Variants in SPINK1 observed in about 807,000 individuals in gnomAD.
The protein encoded by SPINK1 is serine peptidase inhibitor Kazal type 1.
Under a neutral mutation model 9.5 loss-of-function variants are expected in SPINK1, and 5 were observed. The ratio of observed to expected loss-of-function variants is 0.52; its 90% CI spans 0.27 to 1.10. The LOEUF is 1.10. SPINK1 is among the 50% of genes least tolerant of loss of function. The pLI, the probability that SPINK1 is intolerant of heterozygous loss-of-function variation, is 0.11. For missense variants in SPINK1, 88 were observed against 92.7 expected (o/e 0.95, Z 0.21); for synonymous variants, 37 against 32.3 (o/e 1.14, Z -0.49).
intron 3 of SPINK1, among the ~76,000 whole-genome samples, chr5:147,826,281 T>C (rs1014955788): frequency 5.9e-5 from 9 of 152,208 alleles, no homozygotes; most frequent in Non-Finnish European, 1.2e-4. Flanking sequence ...TTTGGGACTT[T>C]TAATCAACAG....
upstream of SPINK1, among the ~76,000 whole-genome samples, chr5:147,835,177 A>G (rs534851576): frequency 9.9e-5 from 15 of 152,252 alleles, no homozygotes; most frequent in East Asian, 3.9e-4. Context: ...TGCCATTTCA[A>G]CTGTGACATG....
Position 147,831,536 on chromosome 5 carries a change from C to G in SPINK1, c.42G>C (p.Leu14=). Residue 14 remains leucine (L), a synonymous_variant, in exon 1 of 4, where the codon CTG becomes CTC. Coordinates refer to ENST00000296695, the MANE Select transcript of SPINK1 (RefSeq NM_001379610.1). The stretch of plus-strand genomic sequence containing the variant: ...TGCAACACTTACCAGATAGACTCAA[C>G]AGGGCCAAGGCACTGAGAAGAAAGA... ...TGIFLLSALA[L]LSLSGNTGAD... is the part of the protein sequence containing the mutation. 1 of 1,613,632 alleles carries G rather than the reference C, an allele frequency of 6.2e-7. No homozygotes were observed. The highest frequency in any genetic ancestry group is 8.5e-7 in the Non-Finnish European group (1 of 1,179,856).
At chr5:147,832,051 C>A (rs1756518669), upstream of SPINK1, among the ~76,000 whole-genome samples, 1 of 152,144 alleles carries the variant, frequency 6.6e-6, no homozygotes, top group Non-Finnish European at 1.5e-5. Context: ...TCCACTCTTC[C>A]TTTCTTATTC....
Position 147,831,591 on chromosome 5 carries a change from C to T in SPINK1, c.-14G>A, listed in dbSNP as rs373391756. 3.8e-5 allele frequency: 61 copies of T among 1,613,088 alleles called. No individual in the cohort carries two copies. Among genetic ancestry groups the T allele is most frequent in the Middle Eastern group, 1.6e-4 (1 of 6,080 alleles). On this transcript the variant is annotated 5_prime_UTR_variant, in exon 1 of 4. Transcript: ENST00000296695. ...TGTTACCTTCATGGCTGAAGTTCTG[C>T]GTCCAGAGGTCAGTTGAAAACTGCA...
At chr5:147,836,210 C>T (rs1038224033), upstream of SPINK1, among the ~76,000 whole-genome samples, 1 of 151,900 alleles carries the variant, frequency 6.6e-6, no homozygotes, top group African/African-American at 2.4e-5. Flanking sequence ...ATTGTTATTT[C>T]TCTTTTATAA....
At chr5:147,833,519 C>G (rs1231452719), upstream of SPINK1, among the ~76,000 whole-genome samples, 1 of 152,130 alleles carries the variant, frequency 6.6e-6, no homozygotes, top group Non-Finnish European at 1.5e-5. Flanking sequence ...CCTGATATTT[C>G]CCTTTCCCCT....
rs757907252 is a variant in SPINK1, at chr5:147,831,509, T to C, written c.55+14A>G. On this transcript the variant is annotated intron_variant, in intron 1 of 3. Coordinates refer to ENST00000296695, the MANE Select transcript of SPINK1 (RefSeq NM_001379610.1). ...AACAGTTTTATTTAAATTTGAAAAA[T>C]ATGCAACACTTACCAGATAGACTCA... is the stretch of plus-strand genomic sequence containing the variant. 1.2e-6 allele frequency: 2 copies of C among 1,613,070 alleles called. No individual in the cohort carries two copies. Among genetic ancestry groups the C allele is most frequent in the African/African-American group, 2.7e-5 (2 of 74,894 alleles).
At chr5:147,835,147 C>T (rs1424915293), upstream of SPINK1, among the ~76,000 whole-genome samples, 1 of 152,076 alleles carries the variant, frequency 6.6e-6, no homozygotes, top group Non-Finnish European at 1.5e-5. Context: ...GAGAAAGGGG[C>T]CTGTCTCCAA....
At chr5:147,838,140 T>C in the SPINK1 span, among the ~76,000 whole-genome samples, 1 of 152,166 alleles carries the variant, frequency 6.6e-6, no homozygotes, top group East Asian at 1.9e-4. Context: ...GCTTTGCTCT[T>C]CTCTCAATCT....
At chr5:147,828,228 G>A in intron 2 of SPINK1, 100 bp from the exon 3 acceptor site, 1 of 906,128 alleles carries the variant, frequency 1.1e-6, no homozygotes, top group Non-Finnish European at 1.8e-6. Context: ...GAATAACTGT[G>A]ATTGGGAGAA....
chr5:147,836,587 A>G (rs1038274417), upstream of SPINK1, among the ~76,000 whole-genome samples: 4 of 152,202 alleles, frequency 2.6e-5, no homozygotes, highest in African/African-American at 9.6e-5. Context: ...ACCTGATAAT[A>G]TGTGCGAAAT....
At chr5:147,838,817 A>G in the SPINK1 span, among the ~76,000 whole-genome samples, 1 of 151,784 alleles carries the variant, frequency 6.6e-6, no homozygotes, top group South Asian at 2.1e-4. Context: ...TCATCTTTCT[A>G]TTCATCTTCC....
At chr5:147,838,715 G>C in the SPINK1 span, among the ~76,000 whole-genome samples, 12 of 151,934 alleles carry the variant, frequency 7.9e-5, no homozygotes, top group African/African-American at 2.7e-4. Context: ...TCAAATCTTT[G>C]GTTTAGAGTC....
At chr5:147,838,868 G>T in the SPINK1 span, among the ~76,000 whole-genome samples, 3 of 151,862 alleles carry the variant, frequency 2.0e-5, no homozygotes, top group African/African-American at 7.3e-5. Flanking sequence ...GTTCCCCATG[G>T]TCTCTCCTAC....
chr5:147,836,627 T>C (rs1007990125), upstream of SPINK1, among the ~76,000 whole-genome samples: 2 of 152,150 alleles, frequency 1.3e-5, no homozygotes, highest in African/African-American at 4.8e-5. Context: ...GTGGGCATAG[T>C]AGACTTTAAT....
chr5:147,836,283 G>T (rs1401443919), upstream of SPINK1, among the ~76,000 whole-genome samples: 2 of 141,626 alleles, frequency 1.4e-5, no homozygotes. Flanking sequence ...TAACAGATAT[G>T]GTATTTACTG....
chr5:147,838,002 A>C, the SPINK1 span, among the ~76,000 whole-genome samples: 1 of 152,062 alleles, frequency 6.6e-6, no homozygotes, highest in Non-Finnish European at 1.5e-5. Context: ...GTGCCCAGCC[A>C]CATTAACTTT....
At chr5:147,835,178 C>T (rs552762789), upstream of SPINK1, among the ~76,000 whole-genome samples, 3 of 152,214 alleles carry the variant, frequency 2.0e-5, no homozygotes, top group South Asian at 6.2e-4. Context: ...GCCATTTCAA[C>T]TGTGACATGA....
upstream of SPINK1, among the ~76,000 whole-genome samples, chr5:147,835,561 C>T (rs1452428489): frequency 6.6e-6 from 1 of 152,056 alleles, no homozygotes; most frequent in Non-Finnish European, 1.5e-5. Flanking sequence ...CATATTTATG[C>T]ATGTCTATCT....
Sources: gnomAD v4.1 joint callset for allele counts (sites outside exome capture counted in the v4.1 genomes callset) on GRCh38, gnomAD v4.1.1 for gene constraint, MANE v1.5 for transcripts, NCBI Gene and HGNC (gene_info 2026-07-23, HGNC 2026-07-21) for gene names.